The following TFDP2 variants were observed in gnomAD, a reference collection of about 807,000 sequenced individuals.
TFDP2 encodes the protein transcription factor Dp-2 (E2F dimerization partner 2).
Under a neutral mutation model 59.3 loss-of-function variants are expected in TFDP2, and 17 were observed. The ratio of observed to expected loss-of-function variants is 0.29; its 90% CI spans 0.20 to 0.43. The LOEUF (loss-of-function observed/expected upper bound fraction) is 0.43, where lower values mean the gene tolerates loss of function less well. Ranked by LOEUF, TFDP2 falls within the 20% of genes least tolerant of loss-of-function variation. The pLI is 1.00. For missense variants in TFDP2, 391 were observed against 528.8 expected (o/e 0.74, Z 2.56); for synonymous variants, 180 against 194.7 (o/e 0.92, Z 0.63).
At chr3:142,088,627 T>TTC (rs1560131088) in intron 3 of TFDP2, among the ~76,000 whole-genome samples, 1 of 149,518 alleles carries the variant, frequency 6.7e-6, no homozygotes, top group South Asian at 2.1e-4. Context: ...TTTTTTTTTT[T>TTC]TGAGACAGGG....
intron 1 of TFDP2, among the ~76,000 whole-genome samples, chr3:142,135,144 G>C (rs548677402): frequency 1.3e-4 from 20 of 152,192 alleles, no homozygotes; most frequent in African/African-American, 4.6e-4. Flanking sequence ...GCCCAGGCTA[G>C]AAAGCAGTAG....
chr3:142,039,952 C>T (rs538073624), intron 3 of TFDP2, among the ~76,000 whole-genome samples: 2 of 152,286 alleles, frequency 1.3e-5, no homozygotes, highest in Non-Finnish European at 2.9e-5. Flanking sequence ...TCCAAATCCA[C>T]CTCAACTCCA....
At chr3:141,968,017 G>C (rs910256716) in intron 9 of TFDP2, among the ~76,000 whole-genome samples, 1 of 151,576 alleles carries the variant, frequency 6.6e-6, no homozygotes, top group Non-Finnish European at 1.5e-5. Flanking sequence ...TTCCAGGAGG[G>C]CCCCAGCACA....
chr3:142,026,757 G>A (rs1946127886), intron 3 of TFDP2, among the ~76,000 whole-genome samples: 1 of 152,144 alleles, frequency 6.6e-6, no homozygotes, highest in South Asian at 2.1e-4. Flanking sequence ...TTCAAAAACT[G>A]TTTTTCAAAA....
At position 142,102,672 on chromosome 3, in the gene TFDP2, G is replaced by T. The variant is rs138492222; in HGVS notation, c.-92-831C>A. On this transcript the variant is annotated intron_variant, in intron 1 of 12. Coordinates refer to ENST00000489671, the MANE Select transcript of TFDP2 (RefSeq NM_001178139.2). ...TCAAATTTTCTAGTGAAAGAAATAT[G>T]GCATAAATCACTTTAGCCAAGTGAT... Among the ~76,000 whole-genome samples, 731 of 152,218 alleles carry T rather than the reference G, an allele frequency of 4.8e-3. 10 individuals are homozygous for T. Among genetic ancestry groups the T allele is most frequent in the African/African-American group, 0.017 (703 of 41,536 alleles).
intron 3 of TFDP2, among the ~76,000 whole-genome samples, chr3:142,013,382 C>T (rs1017906014): frequency 2.0e-5 from 3 of 152,144 alleles, no homozygotes; most frequent in Non-Finnish European, 2.9e-5. Flanking sequence ...ATGTTTTTGA[C>T]TCAAAAGGAC....
intron 9 of TFDP2, among the ~76,000 whole-genome samples, chr3:141,969,273 G>GATAT (rs36189919): frequency 9.4e-6 from 1 of 106,272 alleles, no homozygotes; most frequent in African/African-American, 3.8e-5. Context: ...ATATATATGA[G>GATAT]ATATATATAT....
chr3:142,078,006 C>T (rs569304093), intron 3 of TFDP2, among the ~76,000 whole-genome samples: 54 of 152,222 alleles, frequency 3.5e-4, no homozygotes, highest in African/African-American at 1.3e-3. Flanking sequence ...GACTGAAGAG[C>T]CCTTGAGCCT....
chr3:142,100,437 A>G (rs997849412), intron 2 of TFDP2, among the ~76,000 whole-genome samples: 1 of 152,138 alleles, frequency 6.6e-6, no homozygotes, highest in African/African-American at 2.4e-5. Flanking sequence ...CAATGGGGTA[A>G]TCTCAGCTTA....
chr3:141,952,864 G>C (rs189424239), intron 12 of TFDP2, 47 bp downstream of exon 12: 1 of 1,581,194 alleles, frequency 6.3e-7, no homozygotes, highest in Non-Finnish European at 8.7e-7. Context: ...TACACAGACA[G>C]TCAGGGCTCT....
chr3:141,962,503 C>T (rs543311751), intron 10 of TFDP2, among the ~76,000 whole-genome samples: 7 of 152,166 alleles, frequency 4.6e-5, no homozygotes, highest in South Asian at 2.1e-4. Flanking sequence ...GGACTACAGG[C>T]GTGCGCCACC....
chr3:142,117,157 G>C (rs1369714571), intron 1 of TFDP2, among the ~76,000 whole-genome samples: 1 of 152,132 alleles, frequency 6.6e-6, no homozygotes, highest in Non-Finnish European at 1.5e-5. Context: ...CTGACCTCAA[G>C]TGATCTGCCC....
chr3:141,952,840 C>A (rs769297878), intron 12 of TFDP2, 71 bp downstream of exon 12: 21 of 1,555,736 alleles, frequency 1.3e-5, no homozygotes, highest in Non-Finnish European at 1.5e-5. Context: ...AGTAACATGA[C>A]CCCGGCTCAC....
chr3:142,134,772 C>T (rs2062657547), intron 1 of TFDP2, among the ~76,000 whole-genome samples: 1 of 151,996 alleles, frequency 6.6e-6, no homozygotes, highest in African/African-American at 2.4e-5. Context: ...AGACAACAGA[C>T]AAACCTAGAT....
At chr3:142,008,531 A>C (rs1237870409) in intron 3 of TFDP2, among the ~76,000 whole-genome samples, 1 of 151,940 alleles carries the variant, frequency 6.6e-6, no homozygotes, top group Non-Finnish European at 1.5e-5. Context: ...GCCCCAATTC[A>C]ACCACCTGGC....
intron 1 of TFDP2, among the ~76,000 whole-genome samples, chr3:142,123,282 G>A (rs1378974685): frequency 6.6e-6 from 1 of 152,134 alleles, no homozygotes; most frequent in Non-Finnish European, 1.5e-5. Context: ...CTACAGGCGC[G>A]TGCCACTGCA....
chr3:141,968,903 CAT>C (rs1247256848), intron 9 of TFDP2, among the ~76,000 whole-genome samples: 2 of 65,978 alleles, frequency 3.0e-5, no homozygotes, highest in African/African-American at 6.0e-5. Context: ...ATATATATCT[CAT>C]ATATATAGAT....
At chr3:142,032,086 T>TTC (rs934948006) in intron 3 of TFDP2, among the ~76,000 whole-genome samples, 7 of 150,692 alleles carry the variant, frequency 4.6e-5, no homozygotes, top group South Asian at 4.2e-4. Context: ...CTTTTTTTCT[T>TTC]TCTCTCTCTC....
At chr3:141,974,483 T>C (rs1043953744) in intron 7 of TFDP2, among the ~76,000 whole-genome samples, 1 of 152,144 alleles carries the variant, frequency 6.6e-6, no homozygotes, top group East Asian at 1.9e-4. Context: ...TTTCTTCAGG[T>C]AGAAGAAATA....
Sources: allele counts gnomAD v4.1 joint callset (sites outside exome capture counted in the v4.1 genomes callset), GRCh38; gene constraint gnomAD v4.1.1; transcripts MANE v1.5; gene names NCBI Gene and HGNC (gene_info 2026-07-23, HGNC 2026-07-21).